NCAM1: variants seen among roughly 807,000 people sequenced by gnomAD.
NCAM1 encodes neural cell adhesion molecule 1.
In NCAM1, 14 loss-of-function variants were observed where a neutral mutation model predicts 109.8. The observed-to-expected ratio is 0.13, with a 90% CI of 0.08 to 0.20. The LOEUF is 0.20. Among genes scored for constraint, NCAM1 ranks in the 10% least tolerant of loss-of-function variants. The pLI, the probability that NCAM1 is intolerant of heterozygous loss-of-function variation, is 1.00. For synonymous variants in NCAM1, 418 were observed against 442.9 expected, an observed-to-expected ratio of 0.94 and a Z score of 0.70; for missense variants, 774 against 1,109.9, an observed-to-expected ratio of 0.70 and a Z score of 4.30.
At chr11:113,115,217 C>T (rs1555094608) in intron 1 of NCAM1, among the ~76,000 whole-genome samples, 1 of 152,110 alleles carries the variant, frequency 6.6e-6, no homozygotes, top group Non-Finnish European at 1.5e-5. Flanking sequence ...AAAAAAGTTA[C>T]TTTAACCCAG....
chr11:113,272,594 A>T (rs1946306138), intron 19 of NCAM1, among the ~76,000 whole-genome samples: 2 of 152,142 alleles, frequency 1.3e-5, no homozygotes, highest in South Asian at 4.1e-4. Flanking sequence ...CCTTGAATGG[A>T]GATCCAGGGC....
At position 113,200,906 on chromosome 11, in the gene NCAM1, A is replaced by C. The variant is rs186447386; in HGVS notation, c.53-1473A>C. Among the ~76,000 whole-genome samples, 4 of 152,270 alleles carry C rather than the reference A, an allele frequency of 2.6e-5. No homozygotes were observed. The East Asian group carries it at 7.8e-4, about 30-fold the overall frequency. On this transcript the variant is annotated intron_variant, in intron 1 of 19. Transcript: ENST00000316851. Reference sequence around the variant, plus strand: ...GGGAGCCGGCAGTGGTGGTCTGAGCAGGGGAGAAACTAGCTGCCCTAGATT... The same window carrying C: ...GGGAGCCGGCAGTGGTGGTCTGAGCCGGGGAGAAACTAGCTGCCCTAGATT...
intron 8 of NCAM1, among the ~76,000 whole-genome samples, chr11:113,221,076 T>G (rs1944679208): frequency 6.6e-6 from 1 of 152,192 alleles, no homozygotes; most frequent in African/African-American, 2.4e-5. Context: ...CCTTTTGAAT[T>G]ATACATTTTA....
At chr11:113,261,288 C>G (rs611016) in intron 17 of NCAM1, among the ~76,000 whole-genome samples, 24,347 of 151,932 alleles carry the variant, frequency 0.16, 2,332 homozygotes, top group African/African-American at 0.26. Context: ...AGGGCTGTGG[C>G]CTGCCTATGA....
intron 1 of NCAM1, among the ~76,000 whole-genome samples, chr11:113,199,571 A>G (rs1268324310): frequency 6.7e-6 from 1 of 150,014 alleles, no homozygotes; most frequent in Non-Finnish European, 1.5e-5. Flanking sequence ...GTCTAAATGG[A>G]TAACTCTTCC....
At chr11:113,080,340 C>G (rs1396291601) in intron 1 of NCAM1, among the ~76,000 whole-genome samples, 2 of 152,238 alleles carry the variant, frequency 1.3e-5, no homozygotes, top group East Asian at 3.9e-4. Flanking sequence ...AACACTGTTT[C>G]CTGATGAAAA....
intron 1 of NCAM1, among the ~76,000 whole-genome samples, chr11:112,976,304 A>G (rs1473998602): frequency 2.0e-5 from 3 of 151,932 alleles, no homozygotes; most frequent in South Asian, 4.1e-4. Flanking sequence ...ATTTAAAATG[A>G]TGAGTTCCAC....
chr11:113,159,158 G>A (rs1278458303), intron 1 of NCAM1, among the ~76,000 whole-genome samples: 2 of 151,884 alleles, frequency 1.3e-5, no homozygotes, highest in Non-Finnish European at 1.5e-5. Flanking sequence ...TAATATCATC[G>A]ATAGCTTGTT....
intron 1 of NCAM1, among the ~76,000 whole-genome samples, chr11:113,040,589 T>A (rs1555079841): frequency 1.3e-5 from 2 of 152,224 alleles, no homozygotes; most frequent in African/African-American, 4.8e-5. Flanking sequence ...TTGTCTACCC[T>A]GTTCTTAACT....
intron 5 of NCAM1, among the ~76,000 whole-genome samples, chr11:113,206,868 T>A (rs1016622857): frequency 6.6e-6 from 1 of 152,226 alleles, no homozygotes; most frequent in African/African-American, 2.4e-5. Context: ...CTGGGAGCAG[T>A]AATGTCCAAC....
In NCAM1 at chr11:113,273,790, T is replaced by C. The variant is rs1946346329; in HGVS notation, c.2457-1477T>C. On this transcript the variant is annotated intron_variant, in intron 19 of 19. Transcript: ENST00000316851. This position sits in a 1 kb window ranked among gnomAD's most constrained non-coding sequence, Gnocchi z 6.0. ...TCTGCTGTCATCGGGTTGTGTCCTG[T>C]GGTGGTGTGCATTTGTGCTGTGCTG... 2 of 396,716 alleles carry C rather than the reference T, an allele frequency of 5.0e-6. No individual in the cohort carries two copies. The highest frequency in any genetic ancestry group is 4.1e-5 in the African/African-American group (2 of 48,236). 24.6% of individuals were successfully genotyped at this position (396,716 alleles called of 1,614,324 possible). A position where few individuals can be genotyped will look rare whatever the true frequency, so the allele number is the denominator to read the frequency against.
chr11:113,025,403 A>G (rs1401983870), intron 1 of NCAM1, among the ~76,000 whole-genome samples: 1 of 152,284 alleles, frequency 6.6e-6, no homozygotes, highest in East Asian at 1.9e-4. Flanking sequence ...CTTCTGCATC[A>G]TGAATGCTGG....
intron 14 of NCAM1, among the ~76,000 whole-genome samples, chr11:113,239,079 A>G (rs1372747994): frequency 6.6e-6 from 1 of 152,202 alleles, no homozygotes; most frequent in Non-Finnish European, 1.5e-5. Context: ...GAGCTAGTAA[A>G]AGCCACAAAC....
chr11:113,165,247 G>T (rs1464888662), intron 1 of NCAM1, among the ~76,000 whole-genome samples: 1 of 152,142 alleles, frequency 6.6e-6, no homozygotes, highest in African/African-American at 2.4e-5. Flanking sequence ...AGAAAGAAAA[G>T]GAAATTTAAG....
intron 1 of NCAM1, among the ~76,000 whole-genome samples, chr11:113,071,731 G>A (rs992735251): frequency 6.6e-6 from 1 of 152,176 alleles, no homozygotes; most frequent in South Asian, 2.1e-4. Flanking sequence ...CCAGCCTGTT[G>A]GTTGGAATTG....
At chr11:113,135,726 G>C (rs1249576187) in intron 1 of NCAM1, among the ~76,000 whole-genome samples, 2 of 152,214 alleles carry the variant, frequency 1.3e-5, no homozygotes, top group Non-Finnish European at 2.9e-5. Context: ...CAATGCCATG[G>C]AGGCAAGGTG....
At chr11:113,057,731 A>T (rs1211647179) in intron 1 of NCAM1, among the ~76,000 whole-genome samples, 2 of 152,190 alleles carry the variant, frequency 1.3e-5, no homozygotes, top group Non-Finnish European at 2.9e-5. Context: ...AACTGGGCAG[A>T]TCTTACAAAT....
chr11:113,118,142 T>C (rs1555095253), intron 1 of NCAM1, among the ~76,000 whole-genome samples: 1 of 151,998 alleles, frequency 6.6e-6, no homozygotes, highest in Admixed American at 6.5e-5. Context: ...TTGAATCATT[T>C]TTTTTCTCTG....
intron 1 of NCAM1, among the ~76,000 whole-genome samples, chr11:113,109,442 C>T (rs1453165636): frequency 6.6e-6 from 1 of 151,906 alleles, no homozygotes; most frequent in Non-Finnish European, 1.5e-5. Context: ...GTATTCTGGC[C>T]TGTGCAGCTA....
Sources: allele counts gnomAD v4.1 joint callset (sites outside exome capture counted in the v4.1 genomes callset), GRCh38; gene constraint gnomAD v4.1.1; non-coding constraint Gnocchi (gnomAD v3.1); transcripts MANE v1.5; gene names NCBI Gene and HGNC (gene_info 2026-07-23, HGNC 2026-07-21).